FAM13A: variants seen among roughly 807,000 people sequenced by gnomAD.
FAM13A encodes the protein family with sequence similarity 13 member A.
Under a neutral mutation model 129.6 loss-of-function variants are expected in FAM13A, and 76 were observed. That is an observed-to-expected ratio of 0.59 (90% confidence interval 0.49 to 0.71). The LOEUF (loss-of-function observed/expected upper bound fraction) is 0.71, where lower values mean the gene tolerates loss of function less well. FAM13A is among the 30% of genes least tolerant of loss of function. The probability of loss-of-function intolerance (pLI) is 0.00; values close to 1 mark genes in which losing one functional copy is unlikely to be tolerated. For synonymous variants in FAM13A, 443 were observed against 449.9 expected (o/e 0.98, Z 0.20); for missense variants, 1,108 against 1,249.3 (o/e 0.89, Z 1.70).
intron 13 of FAM13A, among the ~76,000 whole-genome samples, chr4:88,760,819 A>C (rs1744674313): frequency 6.6e-6 from 1 of 151,888 alleles, no homozygotes; most frequent in Non-Finnish European, 1.5e-5. Flanking sequence ...CTCAGTTACC[A>C]ATCATGAGTG....
chr4:89,008,080 G>A (rs62308575), intron 3 of FAM13A, among the ~76,000 whole-genome samples: 5 of 151,814 alleles, frequency 3.3e-5, no homozygotes, highest in African/African-American at 9.7e-5. Context: ...ATCTGTCGGA[G>A]ATCAATGCTA....
chr4:88,738,558 C>T (rs553956521), intron 20 of FAM13A, among the ~76,000 whole-genome samples: 230 of 152,298 alleles, frequency 1.5e-3, no homozygotes, highest in Non-Finnish European at 2.5e-3. Flanking sequence ...CTTGCCACAT[C>T]CTCCAAGAAG....
chr4:88,775,458 C>T (rs554695299), intron 11 of FAM13A, among the ~76,000 whole-genome samples: 1 of 152,208 alleles, frequency 6.6e-6, no homozygotes, highest in South Asian at 2.1e-4. Context: ...GTAATCCCAG[C>T]ACTGGGAGGC....
chr4:89,019,285 G>C (rs1436948560), intron 3 of FAM13A, among the ~76,000 whole-genome samples: 1 of 152,142 alleles, frequency 6.6e-6, no homozygotes. Context: ...TGCTGTAAAG[G>C]AATGTGGCTT....
intron 6 of FAM13A, among the ~76,000 whole-genome samples, chr4:88,878,230 G>A (rs888805612): frequency 7.1e-6 from 1 of 140,216 alleles, no homozygotes; most frequent in African/African-American, 2.7e-5. Context: ...GGAGCTTGCA[G>A]TGAGCCGAGA....
chr4:88,874,844 G>A (rs1348546947), intron 6 of FAM13A, among the ~76,000 whole-genome samples: 2 of 152,162 alleles, frequency 1.3e-5, no homozygotes, highest in Non-Finnish European at 2.9e-5. Context: ...ACAATCCTAA[G>A]CAAAACGAAC....
intron 6 of FAM13A, among the ~76,000 whole-genome samples, chr4:88,888,741 CA>C (rs1300752628): frequency 4.7e-5 from 7 of 149,744 alleles, no homozygotes; most frequent in Admixed American, 1.3e-4. Context: ...CTGGCTATCA[CA>C]GTGAAACCCC....
intron 6 of FAM13A, among the ~76,000 whole-genome samples, chr4:88,876,489 T>C (rs1458422432): frequency 6.6e-6 from 1 of 152,116 alleles, no homozygotes; most frequent in African/African-American, 2.4e-5. Context: ...TAAAAAACGA[T>C]GTAAAACAGA....
chr4:89,042,879 A>T (rs1044104732), intron 1 of FAM13A, among the ~76,000 whole-genome samples: 2 of 152,202 alleles, frequency 1.3e-5, no homozygotes, highest in African/African-American at 4.8e-5. Flanking sequence ...ACATTCTATT[A>T]AAAAAGACTC....
intron 5 of FAM13A, among the ~76,000 whole-genome samples, chr4:88,912,855 C>T (rs1194832975): frequency 6.6e-6 from 1 of 152,100 alleles, no homozygotes. Flanking sequence ...GTGGCACATT[C>T]CTGTGGTCCT....
chr4:88,850,927 G>T, intron 7 of FAM13A, 93 bp downstream of exon 7: 1 of 1,108,706 alleles, frequency 9.0e-7, no homozygotes, highest in Non-Finnish European at 1.3e-6. Context: ...AAACTCCAGT[G>T]GCAGATCAAT....
intron 2 of FAM13A, among the ~76,000 whole-genome samples, chr4:89,021,307 C>T (rs1229700277): frequency 1.3e-5 from 2 of 152,204 alleles, no homozygotes; most frequent in Non-Finnish European, 2.9e-5. Context: ...AGCTGTTACG[C>T]TGTGAAACCA....
At chr4:88,836,900 C>T (rs1374560250) in intron 7 of FAM13A, among the ~76,000 whole-genome samples, 1 of 151,572 alleles carries the variant, frequency 6.6e-6, no homozygotes, top group Admixed American at 6.6e-5. Context: ...GTGGAGGTTG[C>T]AGAGGGCCGA....
At chr4:88,930,222 CTT>C (rs1752828509) in intron 5 of FAM13A, among the ~76,000 whole-genome samples, 1 of 152,156 alleles carries the variant, frequency 6.6e-6, no homozygotes, top group Non-Finnish European at 1.5e-5. Context: ...TTACTGGACA[CTT>C]GTTGTGTCCT....
At chr4:88,852,375 C>T (rs1336165529) in intron 6 of FAM13A, among the ~76,000 whole-genome samples, 2 of 151,992 alleles carry the variant, frequency 1.3e-5, no homozygotes, top group African/African-American at 4.8e-5. Context: ...TTGGCCTGGC[C>T]AGTCTCAAAC....
rs1739520545 is a variant in FAM13A, at chr4:88,738,696, G to T, written c.2562+334C>A. ...TCAGAACGGCACTCTTTGGAGTGAA[G>T]AGGCCTGGAGAAAGTGCAGCCCTAC... On this transcript the variant is annotated intron_variant, in intron 20 of 23. Transcript: ENST00000264344. Among the ~76,000 whole-genome samples, 7 of 152,314 alleles carry T rather than the reference G, an allele frequency of 4.6e-5. No homozygotes were observed. In the South Asian group the frequency reaches 1.4e-3, roughly 32 times the overall value.
intron 5 of FAM13A, among the ~76,000 whole-genome samples, chr4:88,931,574 T>A (rs1193745406): frequency 6.6e-6 from 1 of 152,138 alleles, no homozygotes; most frequent in African/African-American, 2.4e-5. Context: ...TCAAAATGTA[T>A]CTACTTACTA....
intron 6 of FAM13A, among the ~76,000 whole-genome samples, chr4:88,874,744 C>A (rs191648738): frequency 6.6e-6 from 1 of 152,112 alleles, no homozygotes; most frequent in African/African-American, 2.4e-5. Context: ...CAATGCCATC[C>A]CCATCAAGCT....
At chr4:88,937,991 G>C (rs780164644) in intron 5 of FAM13A, 97 bp downstream of exon 5, 1 of 848,916 alleles carries the variant, frequency 1.2e-6, no homozygotes, top group Admixed American at 2.0e-5. Context: ...AATAATCTGA[G>C]GGTTATATCC....
Sources: allele counts gnomAD v4.1 joint callset (sites outside exome capture counted in the v4.1 genomes callset), GRCh38; gene constraint gnomAD v4.1.1; transcripts MANE v1.5; gene names NCBI Gene and HGNC (gene_info 2026-07-23, HGNC 2026-07-21).